CNOT10: variants seen among roughly 807,000 people sequenced by gnomAD.
CNOT10 encodes CCR4-NOT transcription complex subunit 10.
In CNOT10, 30 loss-of-function variants were observed where a neutral mutation model predicts 94.6. The ratio of observed to expected loss-of-function variants is 0.32; its 90% confidence interval spans 0.24 to 0.43. The LOEUF is 0.43. CNOT10 is among the 20% of genes least tolerant of loss of function. The pLI, the probability that CNOT10 is intolerant of heterozygous loss-of-function variation, is 1.00. For missense variants in CNOT10, 759 were observed against 877.2 expected, an observed-to-expected ratio of 0.87 and a Z score of 1.70; for synonymous variants, 289 against 301.6, an observed-to-expected ratio of 0.96 and a Z score of 0.43.
chr3:32,731,458 G>C (rs565606076), intron 10 of CNOT10, among the ~76,000 whole-genome samples: 1 of 152,050 alleles, frequency 6.6e-6, no homozygotes, highest in Non-Finnish European at 1.5e-5. Context: ...CCACCTGCAG[G>C]TAAATTAGAG....
chr3:32,762,166 T>TA (rs556098480), intron 14 of CNOT10, among the ~76,000 whole-genome samples: 142 of 110,126 alleles, frequency 1.3e-3, no homozygotes, highest in South Asian at 3.8e-3. Context: ...GGTCCCCAGT[T>TA]AAAAAAAAAA....
intron 13 of CNOT10, among the ~76,000 whole-genome samples, chr3:32,741,850 A>G (rs1699482557): frequency 6.6e-6 from 1 of 151,478 alleles, no homozygotes; most frequent in Non-Finnish European, 1.5e-5. Context: ...CCCACCAGTG[A>G]TGTATGAGTG....
chr3:32,698,236 G>A (rs548961332), intron 1 of CNOT10, among the ~76,000 whole-genome samples: 2 of 152,126 alleles, frequency 1.3e-5, no homozygotes, highest in South Asian at 2.1e-4. Context: ...CCTCCCTGTC[G>A]TATGCTAAAG....
chr3:32,772,768 T>A (rs971330163), intron 18 of CNOT10, among the ~76,000 whole-genome samples: 9 of 152,192 alleles, frequency 5.9e-5, no homozygotes, highest in African/African-American at 2.2e-4. Flanking sequence ...CCCTTTTTTT[T>A]AATAGCTGAA....
At chr3:32,694,747 G>A (rs1319783449) in intron 1 of CNOT10, among the ~76,000 whole-genome samples, 3 of 151,998 alleles carry the variant, frequency 2.0e-5, no homozygotes, top group Non-Finnish European at 2.9e-5. Flanking sequence ...GCACCACCAC[G>A]CCCAGCTAAT....
At position 32,685,241 on chromosome 3, in the gene CNOT10, C is replaced by T. The variant is rs1169512373; in HGVS notation, c.-220C>T. The stretch of plus-strand genomic sequence containing the variant: ...AGCTGTGTATGGCGGGAGGCTGTGG[C>T]GGTCCCTTGGTGGGGAAGCTGTTGC... On this transcript the variant is annotated 5_prime_UTR_variant, in exon 1 of 19. Transcript: ENST00000328834. 5 of 525,294 alleles carry T rather than the reference C, an allele frequency of 9.5e-6. No individual in the cohort carries two copies. In the Admixed American group the frequency reaches 1.4e-4, roughly 14 times the overall value. The allele number at this position is 525,294 out of a possible 1,614,324, so 32.5% of individuals were successfully genotyped here.
In CNOT10 at chr3:32,685,364, A is replaced by T. The variant is rs569777572; in HGVS notation, c.-97A>T. On this transcript the variant is annotated 5_prime_UTR_variant, in exon 1 of 19. Coordinates refer to ENST00000328834, the MANE Select transcript of CNOT10 (RefSeq NM_015442.3). ...CTGGGGGCCCGGAGCCGGGGTAGGCACAGAGTTGTCCTCGGAGGTCCAGGA... is the reference window on the plus strand; with the variant it reads ...CTGGGGGCCCGGAGCCGGGGTAGGCTCAGAGTTGTCCTCGGAGGTCCAGGA... 205 of 1,439,280 alleles carry T rather than the reference A, an allele frequency of 1.4e-4. No individual in the cohort carries two copies. In the East Asian group the frequency reaches 4.3e-3, roughly 30 times the overall value. The allele number at this position is 1,439,280 out of a possible 1,614,324, so 89.2% of individuals were successfully genotyped here. A position where few individuals can be genotyped will look rare whatever the true frequency, so the allele number is the denominator to read the frequency against.
chr3:32,771,929 CAT>C (rs989836115), intron 18 of CNOT10, among the ~76,000 whole-genome samples: 1 of 152,162 alleles, frequency 6.6e-6, no homozygotes, highest in Non-Finnish European at 1.5e-5. Flanking sequence ...TTTATTCAAA[CAT>C]AAATTCAGGT....
chr3:32,729,360 C>A (rs543693548), intron 10 of CNOT10, among the ~76,000 whole-genome samples: 1 of 152,106 alleles, frequency 6.6e-6, no homozygotes, highest in African/African-American at 2.4e-5. Flanking sequence ...AGGGGAAAGA[C>A]GGGTTGTGTC....
chr3:32,767,241 G>A (rs766831036), intron 17 of CNOT10, among the ~76,000 whole-genome samples: 5 of 152,116 alleles, frequency 3.3e-5, no homozygotes, highest in South Asian at 4.2e-4. Context: ...GCTTTCAGCC[G>A]GGCGCAGTGG....
chr3:32,770,563 G>GATCT (rs1260431109), intron 18 of CNOT10, among the ~76,000 whole-genome samples: 1 of 152,000 alleles, frequency 6.6e-6, no homozygotes, highest in African/African-American at 2.4e-5. Flanking sequence ...CTGACCTCAT[G>GATCT]ATCTGCCCAC....
At chr3:32,771,560 A>T (rs779859468) in intron 18 of CNOT10, among the ~76,000 whole-genome samples, 4 of 152,080 alleles carry the variant, frequency 2.6e-5, no homozygotes, top group Non-Finnish European at 1.5e-5. Context: ...GAGACACACC[A>T]CTGCACTCCA....
intron 13 of CNOT10, 147 bp from the exon 14 acceptor site, chr3:32,759,311 A>G: frequency 9.7e-6 from 6 of 617,950 alleles, no homozygotes; most frequent in Non-Finnish European, 1.7e-5. Context: ...ACATCAATCT[A>G]ATTCTTACCA....
rs149968042 is a variant in CNOT10 at position 32,737,438 on chromosome 3, A to G, written c.1543A>G (p.Ile515Val). Residue 515 changes from isoleucine to valine, a missense_variant, in exon 13 of 19, where the codon ATT (isoleucine) becomes GTT (valine). Around this residue, in one of 3 missense-constraint regions of CNOT10, gnomAD observed 682 missense variants for 799.4 expected, o/e 0.85. Transcript: ENST00000328834. The stretch of plus-strand genomic sequence containing the variant: ...TAAAAGCCATGATGGAGATAAATTC[A>G]TTCCAGCTCCACCTTCTTCTCCATT... ...SSKSHDGDKF[I>V]PAPPSSPLRK... 24 of 1,611,916 alleles carry G rather than the reference A, an allele frequency of 1.5e-5. No individual in the cohort carries two copies. In the African/African-American group the frequency reaches 2.9e-4, roughly 20 times the overall value.
At chr3:32,770,737 C>T (rs530107709) in intron 18 of CNOT10, among the ~76,000 whole-genome samples, 9 of 139,504 alleles carry the variant, frequency 6.5e-5, no homozygotes, top group African/African-American at 2.1e-4. Flanking sequence ...GATGGAGTCT[C>T]GCTCTGTCAC....
At chr3:32,719,049 G>A (rs1698253695) in intron 7 of CNOT10, among the ~76,000 whole-genome samples, 1 of 152,140 alleles carries the variant, frequency 6.6e-6, no homozygotes, top group African/African-American at 2.4e-5. Context: ...AGGAGTTCAA[G>A]ACCAGCCTGA....
chr3:32,703,125 C>T lies in CNOT10; in HGVS notation c.23-743C>T, dbSNP rs552658072. The stretch of plus-strand genomic sequence containing the variant: ...ATTTTTAGTAGTGACGGGGTTTCAC[C>T]GTGTTAGCCAGGATGGTCTCGATCT... On this transcript the variant is annotated intron_variant, in intron 1 of 18. Coordinates refer to ENST00000328834, the MANE Select transcript of CNOT10 (RefSeq NM_015442.3). Among the ~76,000 whole-genome samples, 54 of 149,584 alleles carry T rather than the reference C, an allele frequency of 3.6e-4. No homozygotes were observed. In the South Asian group the frequency reaches 9.6e-3, roughly 27 times the overall value.
At chr3:32,720,383 A>G in intron 8 of CNOT10, 152 bp downstream of exon 8, 2 of 430,140 alleles carry the variant, frequency 4.6e-6, no homozygotes, top group Non-Finnish European at 8.3e-6. Context: ...ATTTCCAGGA[A>G]TTCTTGTTTC....
chr3:32,721,429 C>CTTTTTTTTTTTTTTTTTTT (rs58351356), intron 8 of CNOT10, among the ~76,000 whole-genome samples: 3 of 72,594 alleles, frequency 4.1e-5, no homozygotes, highest in African/African-American at 5.7e-5. Context: ...TTTCTTTCAT[C>CTTTTTTTTTTTTTTTTTTT]TTTTTTTTTT....
Sources: gnomAD v4.1 joint callset for allele counts (sites outside exome capture counted in the v4.1 genomes callset) on GRCh38, gnomAD v4.1.1 for gene constraint, gnomAD v4.1.1 regional missense constraint, MANE v1.5 for transcripts, NCBI Gene and HGNC (gene_info 2026-07-23, HGNC 2026-07-21) for gene names.